STK3: variants seen among roughly 807,000 people sequenced by gnomAD.
STK3 encodes serine/threonine-protein kinase 3.
STK3 carries 41 observed loss-of-function variants against 58.0 expected under a neutral mutation model. That is an observed-to-expected ratio of 0.71 (90% CI 0.55 to 0.92). The LOEUF (loss-of-function observed/expected upper bound fraction) is 0.92. STK3 is among the 40% of genes least tolerant of loss of function. The pLI, the probability that STK3 is intolerant of heterozygous loss-of-function variation, is 0.00. For synonymous variants in STK3, 170 were observed against 191.0 expected, an observed-to-expected ratio of 0.89 and a Z score of 0.91; for missense variants, 479 against 602.7, an observed-to-expected ratio of 0.79 and a Z score of 2.15.
intron 1 of STK3, among the ~76,000 whole-genome samples, chr8:98,814,807 C>T (rs937394941): frequency 1.3e-5 from 2 of 152,178 alleles, no homozygotes; most frequent in South Asian, 4.1e-4. Context: ...ACCTCAGCCT[C>T]CTGGCTGTGA....
intron 3 of STK3, among the ~76,000 whole-genome samples, chr8:98,417,358 C>CA (rs1818126827): frequency 6.6e-6 from 1 of 151,966 alleles, no homozygotes; most frequent in Non-Finnish European, 1.5e-5. Context: ...ACTAAAAATA[C>CA]AAAAAATTAG....
chr8:98,603,775 G>A (rs1816552466), intron 6 of STK3, among the ~76,000 whole-genome samples: 1 of 151,622 alleles, frequency 6.6e-6, no homozygotes, highest in Admixed American at 6.6e-5. Context: ...AAGAAGGAAA[G>A]GAAGGAAGAA....
chr8:98,924,937 C>T (rs1358275069), intron 1 of STK3, among the ~76,000 whole-genome samples: 8 of 152,088 alleles, frequency 5.3e-5, no homozygotes, highest in African/African-American at 1.9e-4. Context: ...GGTATGGTAC[C>T]AACAAGAAGG....
At chr8:98,427,924 C>G (rs1422435816) in intron 3 of STK3, 1 of 1,399,990 alleles carries the variant, frequency 7.1e-7, no homozygotes, top group Non-Finnish European at 9.5e-7. Context: ...CGACGCTGTT[C>G]CCTCCGCTTC....
rs553058029 is a variant in STK3 at position 98,471,578 on chromosome 8, T to A, written c.1318-15578A>T. ...ATAATAAAGTGTTGAATATTTCATG[T>A]AATTTATTGAATACTGTACTGAACG... is the stretch of plus-strand genomic sequence containing the variant. On this transcript the variant is annotated intron_variant, in intron 10 of 10. Transcript: ENST00000419617. Among the ~76,000 whole-genome samples, 4 of 152,296 alleles carry A rather than the reference T, an allele frequency of 2.6e-5. No homozygotes were observed. In the East Asian group the frequency reaches 5.8e-4, roughly 22 times the overall value.
chr8:98,681,766 A>G lies in STK3; in HGVS notation c.684+24701T>C, dbSNP rs1368399578. Among the ~76,000 whole-genome samples the G allele has an allele frequency of 2.0e-5, 3 of 152,200 alleles. No homozygotes were observed. In the East Asian group the frequency reaches 5.8e-4, roughly 29 times the overall value. On this transcript the variant is annotated intron_variant, in intron 6 of 10. Coordinates refer to ENST00000419617, the MANE Select transcript of STK3 (RefSeq NM_006281.4). The stretch of plus-strand genomic sequence containing the variant: ...CCCTAAACTCCCAAACTTGAAACCA[A>G]CTACAATTTCTTGAGTAGCTGGAGT...
chr8:98,693,751 C>T (rs377639628), intron 6 of STK3, among the ~76,000 whole-genome samples: 18 of 152,256 alleles, frequency 1.2e-4, no homozygotes, highest in African/African-American at 4.3e-4. Context: ...ACAGCAGGGA[C>T]TGGGAGATGG....
At chr8:98,939,219 G>C (rs1587876046) in intron 1 of STK3, among the ~76,000 whole-genome samples, 1 of 152,348 alleles carries the variant, frequency 6.6e-6, no homozygotes, top group East Asian at 1.9e-4. Context: ...AAGAGGTAGG[G>C]ACGGAGGAGG....
intron 6 of STK3, among the ~76,000 whole-genome samples, chr8:98,627,740 T>C (rs1348784450): frequency 1.3e-5 from 2 of 152,162 alleles, no homozygotes; most frequent in Non-Finnish European, 2.9e-5. Flanking sequence ...TTTATAGCAA[T>C]GCAAAAACAA....
At chr8:98,710,754 A>C (rs1048456740) in intron 4 of STK3, among the ~76,000 whole-genome samples, 3 of 152,218 alleles carry the variant, frequency 2.0e-5, no homozygotes, top group African/African-American at 7.2e-5. Context: ...ACGTCTGCAG[A>C]CTTAAATGTC....
chr8:98,728,013 A>T (rs922259242), intron 4 of STK3, among the ~76,000 whole-genome samples: 1 of 152,202 alleles, frequency 6.6e-6, no homozygotes, highest in African/African-American at 2.4e-5. Context: ...GTAAGATTTT[A>T]TCTGATCATT....
intron 3 of STK3, among the ~76,000 whole-genome samples, chr8:98,864,455 G>T (rs1299409437): frequency 6.6e-6 from 1 of 152,074 alleles, no homozygotes; most frequent in Non-Finnish European, 1.5e-5. Context: ...CTTTCATTTG[G>T]TGAGAGAAAA....
chr8:98,766,274 T>C (rs1045872778), intron 3 of STK3, among the ~76,000 whole-genome samples: 8 of 152,220 alleles, frequency 5.3e-5, no homozygotes, highest in Non-Finnish European at 8.8e-5. Flanking sequence ...TCTTAGTTCT[T>C]TTGGCATTCT....
intron 9 of STK3, among the ~76,000 whole-genome samples, chr8:98,535,761 T>C (rs532796544): frequency 6.6e-6 from 1 of 152,254 alleles, no homozygotes; most frequent in South Asian, 2.1e-4. Flanking sequence ...CAGCATACAC[T>C]GGGAAGGAGA....
At position 98,403,803 on chromosome 8, in the gene STK3, C is replaced by T. The variant is rs1817967460; in HGVS notation, n.484-2290G>A. ...GGACGTGTCTTCATCCTCCAAACCT[C>T]CAGTGCCCTCCAGTGCTCTGGTAAG... On this transcript the variant is annotated intron_variant and non_coding_transcript_variant, in intron 3 of 3. Transcript: ENST00000517832. Among the ~76,000 whole-genome samples, 3 of 152,362 alleles carry T rather than the reference C, an allele frequency of 2.0e-5. 1 individual carries two copies. Among genetic ancestry groups the T allele is most frequent in the Admixed American group, 2.0e-4 (3 of 15,308 alleles).
At chr8:98,404,176 T>C (rs948471687) in intron 3 of STK3, among the ~76,000 whole-genome samples, 2 of 152,202 alleles carry the variant, frequency 1.3e-5, no homozygotes, top group Non-Finnish European at 2.9e-5. Context: ...CCAGAAAAAC[T>C]ATATGCTGTC....
intron 1 of STK3, among the ~76,000 whole-genome samples, chr8:98,917,822 G>T (rs1274876676): frequency 6.6e-6 from 1 of 152,144 alleles, no homozygotes; most frequent in Non-Finnish European, 1.5e-5. Context: ...CAAACACCAA[G>T]AACTGAGCTC....
At chr8:98,472,896 T>C (rs953573471) in intron 10 of STK3, among the ~76,000 whole-genome samples, 5 of 152,062 alleles carry the variant, frequency 3.3e-5, no homozygotes, top group African/African-American at 1.2e-4. Context: ...GTAAGGAGAA[T>C]GAGAACAAGT....
intron 8 of STK3, among the ~76,000 whole-genome samples, chr8:98,557,546 T>C (rs757453904): frequency 1.6e-4 from 24 of 151,860 alleles, no homozygotes; most frequent in Non-Finnish European, 8.8e-5. Context: ...TAAAAATTAC[T>C]GAGAAAACAT....
Sources: allele counts gnomAD v4.1 joint callset (sites outside exome capture counted in the v4.1 genomes callset), GRCh38; gene constraint gnomAD v4.1.1; transcripts MANE v1.5; gene names NCBI Gene and HGNC (gene_info 2026-07-23, HGNC 2026-07-21).